Variants in ADAM22 observed in about 807,000 individuals in gnomAD.
ADAM22 encodes ADAM metallopeptidase domain 22.
Under a neutral mutation model 144.6 loss-of-function variants are expected in ADAM22, and 65 were observed. That is an observed-to-expected ratio of 0.45 (90% CI 0.37 to 0.55). The LOEUF is 0.55. Among genes scored for constraint, ADAM22 ranks in the 20% least tolerant of loss-of-function variants. The pLI is 0.00. For missense variants in ADAM22, 974 were observed against 1,184.9 expected (o/e 0.82, Z 2.61); for synonymous variants, 391 against 412.6 (o/e 0.95, Z 0.63).
Position 88,198,537 on chromosome 7 carries a change from A to G in ADAM22, c.*2046A>G, listed in dbSNP as rs1160461846. On this transcript the variant is annotated 3_prime_UTR_variant, in exon 32 of 32. Coordinates refer to ENST00000413139, the MANE Select transcript of ADAM22 (RefSeq NM_001324418.2). ...AATAAAGTGACTTTTTACCAAGATC[A>G]CTGTAACGTGCACTGAATGTTTCCT... 1 of 152,236 alleles carries G rather than the reference A, an allele frequency of 6.6e-6. No homozygotes were observed. Among genetic ancestry groups the G allele is most frequent in the Admixed American group, 6.5e-5 (1 of 15,280 alleles). The allele number at this position is 152,236 out of a possible 1,614,324, so 9.4% of individuals were successfully genotyped here. A position where few individuals can be genotyped will look rare whatever the true frequency, so the allele number is the denominator to read the frequency against.
intron 3 of ADAM22, among the ~76,000 whole-genome samples, chr7:88,006,266 A>G (rs1292049005): frequency 1.3e-5 from 2 of 152,200 alleles, no homozygotes; most frequent in Non-Finnish European, 2.9e-5. Context: ...TCAATAGCTT[A>G]CCAACCAAAA....
intron 30 of ADAM22, 26 bp downstream of exon 30, chr7:88,186,727 C>G (rs1032073840): frequency 7.4e-7 from 1 of 1,357,020 alleles, no homozygotes; most frequent in African/African-American, 1.4e-5. Context: ...ATTTTTATAT[C>G]CTTCTCAAAC....
intron 3 of ADAM22, among the ~76,000 whole-genome samples, chr7:88,038,689 G>A (rs1585174551): frequency 6.6e-6 from 1 of 151,694 alleles, no homozygotes; most frequent in African/African-American, 2.4e-5. Context: ...TCCTGACCTC[G>A]TGATCCGCCC....
chr7:87,995,477 T>C (rs926792441), intron 3 of ADAM22, among the ~76,000 whole-genome samples: 2 of 152,186 alleles, frequency 1.3e-5, no homozygotes, highest in Admixed American at 1.3e-4. Flanking sequence ...ACCTGGGGAA[T>C]TTTAAAAACT....
At chr7:88,133,367 T>C (rs1019885471) in intron 12 of ADAM22, among the ~76,000 whole-genome samples, 16 of 54,834 alleles carry the variant, frequency 2.9e-4, no homozygotes, top group African/African-American at 7.4e-4. Flanking sequence ...TGTCTCTAAA[T>C]AAATAAATAA....
At position 88,200,863 on chromosome 7, in the gene ADAM22, A is replaced by C. The variant is rs1851153839; in HGVS notation, c.*4372A>C. 6.6e-6 allele frequency: 1 copy of C among 152,292 alleles called. No individual in the cohort carries two copies. Among genetic ancestry groups the C allele is most frequent in the South Asian group, 2.1e-4 (1 of 4,836 alleles). The allele number at this position is 152,292 out of a possible 1,614,324, so 9.4% of individuals were successfully genotyped here. On this transcript the variant is annotated 3_prime_UTR_variant, in exon 32 of 32. Coordinates refer to ENST00000413139, the MANE Select transcript of ADAM22 (RefSeq NM_001324418.2). ...GCATGGAAGAACTAAGGACTTTGAT[A>C]AACAGTTTCCCATTGATAGTATAAT... is the stretch of plus-strand genomic sequence containing the variant.
intron 3 of ADAM22, among the ~76,000 whole-genome samples, chr7:88,010,560 G>T (rs1002491740): frequency 6.6e-6 from 1 of 152,124 alleles, no homozygotes; most frequent in African/African-American, 2.4e-5. Flanking sequence ...TGCAGGCAGT[G>T]TGGGGTTCTA....
intron 3 of ADAM22, among the ~76,000 whole-genome samples, chr7:88,058,706 A>G (rs1376420786): frequency 6.6e-5 from 10 of 152,204 alleles, no homozygotes; most frequent in Admixed American, 4.6e-4. Context: ...AGTAGTTGGA[A>G]GGGCCTGTAG....
At chr7:88,146,892 A>G (rs893761638) in intron 17 of ADAM22, among the ~76,000 whole-genome samples, 1 of 152,198 alleles carries the variant, frequency 6.6e-6, no homozygotes, top group Non-Finnish European at 1.5e-5. Context: ...GCACTCTGTT[A>G]AAAAGAAGAT....
chr7:88,105,649 A>G (rs1824170996), intron 4 of ADAM22, among the ~76,000 whole-genome samples: 1 of 152,220 alleles, frequency 6.6e-6, no homozygotes, highest in Non-Finnish European at 1.5e-5. Context: ...TTTGCCTTGC[A>G]TAACTCACAG....
intron 4 of ADAM22, among the ~76,000 whole-genome samples, chr7:88,088,419 G>C (rs1311725491): frequency 6.6e-6 from 1 of 150,592 alleles, no homozygotes; most frequent in Non-Finnish European, 1.5e-5. Context: ...TTCTAAGTCA[G>C]ATTTCCATTT....
At chr7:88,054,084 A>T (rs545295080) in intron 3 of ADAM22, among the ~76,000 whole-genome samples, 1 of 152,316 alleles carries the variant, frequency 6.6e-6, no homozygotes, top group South Asian at 2.1e-4. Flanking sequence ...GAGAGCCAAG[A>T]TCATGCTACT....
intron 27 of ADAM22, 149 bp from the exon 28 acceptor site, chr7:88,181,356 T>C: frequency 1.5e-6 from 1 of 658,130 alleles, no homozygotes; most frequent in Non-Finnish European, 2.6e-6. Flanking sequence ...ATGAAGACTT[T>C]CATGTTCTCT....
intron 14 of ADAM22, among the ~76,000 whole-genome samples, chr7:88,136,562 A>C (rs1424298762): frequency 2.6e-5 from 4 of 152,058 alleles, no homozygotes; most frequent in Non-Finnish European, 5.9e-5. Flanking sequence ...CCTCCCTTTC[A>C]CACGCTCAGT....
intron 3 of ADAM22, among the ~76,000 whole-genome samples, chr7:88,005,259 G>A (rs1188343545): frequency 6.6e-6 from 1 of 152,136 alleles, no homozygotes; most frequent in Non-Finnish European, 1.5e-5. Flanking sequence ...TGGAACAGGT[G>A]CAACTCTTTA....
chr7:88,155,083 T>C (rs1839559859), intron 21 of ADAM22, among the ~76,000 whole-genome samples: 1 of 152,194 alleles, frequency 6.6e-6, no homozygotes, highest in Non-Finnish European at 1.5e-5. Context: ...CTGAAATATA[T>C]TGAAGAAAGG....
intron 23 of ADAM22, among the ~76,000 whole-genome samples, chr7:88,163,439 A>G (rs1015866360): frequency 6.6e-6 from 1 of 152,098 alleles, no homozygotes; most frequent in African/African-American, 2.4e-5. Context: ...CTCATATAAT[A>G]TAATGCCAAC....
At chr7:87,938,689 A>G (rs1054227724) in intron 2 of ADAM22, among the ~76,000 whole-genome samples, 2 of 152,006 alleles carry the variant, frequency 1.3e-5, no homozygotes, top group Non-Finnish European at 2.9e-5. Flanking sequence ...TCTCTTGCCC[A>G]GGCTGGATGG....
chr7:88,048,686 A>G (rs1375732040), intron 3 of ADAM22, among the ~76,000 whole-genome samples: 1 of 152,102 alleles, frequency 6.6e-6, no homozygotes, highest in Non-Finnish European at 1.5e-5. Context: ...ATACATTAAT[A>G]GTATCAACTA....
Sources: allele counts gnomAD v4.1 joint callset (sites outside exome capture counted in the v4.1 genomes callset), GRCh38; gene constraint gnomAD v4.1.1; transcripts MANE v1.5; gene names NCBI Gene and HGNC (gene_info 2026-07-23, HGNC 2026-07-21).